PRKG2: variants seen among roughly 807,000 people sequenced by gnomAD.
PRKG2 encodes protein kinase cGMP-dependent 2.
In PRKG2, 33 loss-of-function variants were observed where a neutral mutation model predicts 97.2. That is an observed-to-expected ratio of 0.34 (90% CI 0.26 to 0.45). PRKG2 has a LOEUF of 0.45. Among genes scored for constraint, PRKG2 ranks in the 20% least tolerant of loss-of-function variants. The pLI is 1.00. For missense variants in PRKG2, 638 were observed against 900.0 expected (o/e 0.71, Z 3.73); for synonymous variants, 330 against 321.8 (o/e 1.03, Z -0.27).
chr4:81,190,983 T>C (rs1346592068), intron 2 of PRKG2, among the ~76,000 whole-genome samples: 1 of 152,132 alleles, frequency 6.6e-6, no homozygotes, highest in African/African-American at 2.4e-5. Context: ...ACACTGTTGG[T>C]GGGAGTGTAA....
At chr4:81,105,567 A>G (rs1743238940) in intron 16 of PRKG2, among the ~76,000 whole-genome samples, 1 of 152,144 alleles carries the variant, frequency 6.6e-6, no homozygotes. Flanking sequence ...ATGATACCCA[A>G]AGGTTGTCTG....
intron 6 of PRKG2, among the ~76,000 whole-genome samples, chr4:81,163,289 G>C (rs1312964811): frequency 2.0e-5 from 3 of 152,168 alleles, no homozygotes; most frequent in South Asian, 2.1e-4. Context: ...AGTCAAGCCA[G>C]GGTGGTCACT....
In PRKG2 at chr4:81,144,782, G is replaced by A. The variant is rs547269811; in HGVS notation, c.1155-452C>T. On this transcript the variant is annotated intron_variant, in intron 9 of 18. Transcript: ENST00000264399. ...CTCCCCCCACCCCATGACAGGCCCC[G>A]GTGTGTCATGTTCCCCTTCCTGTGT... Among the ~76,000 whole-genome samples, 42 of 108,352 alleles carry A rather than the reference G, an allele frequency of 3.9e-4. 1 individual carries two copies. Among genetic ancestry groups the A allele is most frequent in the South Asian group, 2.1e-3 (7 of 3,390 alleles). 71.1% of individuals were successfully genotyped at this position (108,352 alleles called of 152,430 possible).
chr4:81,138,263 T>C (rs1186316967), intron 12 of PRKG2, among the ~76,000 whole-genome samples: 1 of 152,144 alleles, frequency 6.6e-6, no homozygotes, highest in African/African-American at 2.4e-5. Context: ...AGGCAGGGCA[T>C]CACATTTCAA....
In PRKG2 at chr4:81,176,640, CTG is replaced by C. The variant is rs375680656; in HGVS notation, c.462-1683_462-1682del. On this transcript the variant is annotated intron_variant, in intron 2 of 18. Transcript: ENST00000264399. ...TTTTCCAAAGTATGTTCCAAGAACA[CTG>C]TTTCTTTATAAGCAAAAGTGTGCTA... Among the ~76,000 whole-genome samples, 196 of 152,246 alleles carry C rather than the reference CTG, an allele frequency of 1.3e-3. 2 individuals carry two copies. The highest frequency in any genetic ancestry group is 4.4e-3 in the African/African-American group (181 of 41,570).
At position 81,115,236 on chromosome 4, in the gene PRKG2, G is replaced by A. The variant is rs1744400385; in HGVS notation, c.1777-4625C>T. Among the ~76,000 whole-genome samples, 3 of 152,022 alleles carry A rather than the reference G, an allele frequency of 2.0e-5. 1 individual carries two copies. Among genetic ancestry groups the A allele is most frequent in the Admixed American group, 2.0e-4 (3 of 15,236 alleles). On this transcript the variant is annotated intron_variant, in intron 14 of 18. Coordinates refer to ENST00000264399, the MANE Select transcript of PRKG2 (RefSeq NM_006259.3). ...GATATTGCCACCCCTTTGTATAAGA[G>A]TTCTGACCGCTCTACATCTTCACCA...
chr4:81,148,851 G>T, intron 9 of PRKG2, 33 bp downstream of exon 9: 1 of 1,597,564 alleles, frequency 6.3e-7, no homozygotes, highest in Non-Finnish European at 8.6e-7. Context: ...AAAGGTGGCA[G>T]TGGCCTGCCT....
chr4:81,133,247 T>A (rs1277105772), intron 14 of PRKG2, among the ~76,000 whole-genome samples: 1 of 152,196 alleles, frequency 6.6e-6, no homozygotes, highest in Non-Finnish European at 1.5e-5. Flanking sequence ...GAGCCAATAA[T>A]GAGAAAAGCA....
intron 12 of PRKG2, among the ~76,000 whole-genome samples, chr4:81,140,179 G>T (rs1157081150): frequency 1.3e-5 from 2 of 152,160 alleles, no homozygotes; most frequent in African/African-American, 4.8e-5. Flanking sequence ...CATGCAGGAA[G>T]GGGAGATGGT....
At chr4:81,186,535 T>G (rs1751893709) in intron 2 of PRKG2, among the ~76,000 whole-genome samples, 1 of 151,976 alleles carries the variant, frequency 6.6e-6, no homozygotes, top group Admixed American at 6.6e-5. Context: ...GATCTAAAAT[T>G]GACACCCTAA....
chr4:81,129,848 T>A (rs1175181576), intron 14 of PRKG2, among the ~76,000 whole-genome samples: 1 of 152,208 alleles, frequency 6.6e-6, no homozygotes, highest in Admixed American at 6.5e-5. Flanking sequence ...GTTAATATTA[T>A]TATGTGTGAA....
At chr4:81,124,384 T>C (rs1299485967) in intron 14 of PRKG2, among the ~76,000 whole-genome samples, 1 of 152,238 alleles carries the variant, frequency 6.6e-6, no homozygotes, top group African/African-American at 2.4e-5. Context: ...ATAGCAAACA[T>C]CTGTGATATC....
chr4:81,112,990 T>C (rs185853079), intron 14 of PRKG2, among the ~76,000 whole-genome samples: 7 of 152,066 alleles, frequency 4.6e-5, no homozygotes, highest in African/African-American at 1.7e-4. Context: ...CAGATTTGAG[T>C]AGAAATCTCA....
rs60004845 is a variant in PRKG2, at chr4:81,093,360, A to AACACAC, written c.2127-914_2127-909dup. On this transcript the variant is annotated intron_variant, in intron 17 of 18. Transcript: ENST00000264399. ...TCTAAAATTGAAACTCTCCCCCACC[A>AACACAC]ACACACACACACACACACACACACA... Among the ~76,000 whole-genome samples, 990 of 116,364 alleles carry AACACAC rather than the reference A, an allele frequency of 8.5e-3. 10 individuals carry two copies. The highest frequency in any genetic ancestry group is 0.023 in the Middle Eastern group (5 of 222). 76.3% of individuals were successfully genotyped at this position (116,364 alleles called of 152,430 possible). A position where few individuals can be genotyped will look rare whatever the true frequency, so the allele number is the denominator to read the frequency against.
intron 17 of PRKG2, among the ~76,000 whole-genome samples, chr4:81,103,391 A>C (rs1292164107): frequency 1.3e-5 from 2 of 152,094 alleles, no homozygotes; most frequent in Non-Finnish European, 2.9e-5. Flanking sequence ...AGAACTGAAA[A>C]AGTACATGTC....
At chr4:81,188,815 T>C (rs1223034392) in intron 2 of PRKG2, among the ~76,000 whole-genome samples, 7 of 90,918 alleles carry the variant, frequency 7.7e-5, no homozygotes, top group Non-Finnish European at 1.1e-4. Context: ...TAGGTGGGAA[T>C]TGAACAATGA....
At chr4:81,183,151 T>C (rs1751567064) in intron 2 of PRKG2, among the ~76,000 whole-genome samples, 1 of 152,122 alleles carries the variant, frequency 6.6e-6, no homozygotes, top group South Asian at 2.1e-4. Flanking sequence ...TAAGAGAATA[T>C]ATACTACTGG....
chr4:81,152,627 C>T (rs1489525335), intron 7 of PRKG2, among the ~76,000 whole-genome samples: 1 of 152,082 alleles, frequency 6.6e-6, no homozygotes, highest in Non-Finnish European at 1.5e-5. Context: ...CAGAAAAAGC[C>T]CTGTTTGTGG....
intron 18 of PRKG2, among the ~76,000 whole-genome samples, chr4:81,090,779 T>C (rs1471513343): frequency 6.6e-6 from 1 of 152,200 alleles, no homozygotes; most frequent in East Asian, 1.9e-4. Context: ...CCCACTTATA[T>C]ATGTGAGAAC....
Sources: gnomAD v4.1 joint callset for allele counts (sites outside exome capture counted in the v4.1 genomes callset) on GRCh38, gnomAD v4.1.1 for gene constraint, MANE v1.5 for transcripts, NCBI Gene and HGNC (gene_info 2026-07-23, HGNC 2026-07-21) for gene names.